The following LTBP1 variants were observed in gnomAD, a reference collection of about 807,000 sequenced individuals.
LTBP1 encodes latent transforming growth factor beta binding protein 1.
In LTBP1, 129 loss-of-function variants were observed where a neutral mutation model predicts 207.6. The observed-to-expected ratio is 0.62, with a 90% confidence interval of 0.54 to 0.72. The LOEUF (loss-of-function observed/expected upper bound fraction) is 0.72. LTBP1 is among the 30% of genes least tolerant of loss of function. LTBP1 has a pLI of 0.00. For missense variants in LTBP1, 2,281 were observed against 2,217.2 expected, an observed-to-expected ratio of 1.03 and a Z score of -0.58; for synonymous variants, 963 against 833.7, an observed-to-expected ratio of 1.16 and a Z score of -2.67.
intron 10 of LTBP1, among the ~76,000 whole-genome samples, chr2:33,249,323 T>TCACACACACACACACACACA (rs61249844): frequency 7.1e-6 from 1 of 141,316 alleles, no homozygotes; most frequent in South Asian, 2.4e-4. Flanking sequence ...GTCTGATTTT[T>TCACACACACACACACACACA]CACACACACA....
At chr2:33,280,013 C>A in intron 18 of LTBP1, 26 bp from the exon 19 acceptor site, 2 of 1,611,082 alleles carry the variant, frequency 1.2e-6, no homozygotes, top group South Asian at 2.2e-5. Flanking sequence ...ATAAAATGTT[C>A]ACGACCTAGG....
At chr2:33,198,970 A>G (rs1383856950) in intron 7 of LTBP1, among the ~76,000 whole-genome samples, 4 of 151,826 alleles carry the variant, frequency 2.6e-5, no homozygotes, top group Non-Finnish European at 4.4e-5. Context: ...TTGCTTTTCT[A>G]GTTCTTTTAA....
chr2:33,138,482 C>T (rs1335163162), intron 5 of LTBP1, among the ~76,000 whole-genome samples: 1 of 151,754 alleles, frequency 6.6e-6, no homozygotes, highest in Non-Finnish European at 1.5e-5. Flanking sequence ...TGCTGTTTGC[C>T]CCACCCCTGC....
At chr2:33,368,819 G>T in intron 31 of LTBP1, among the ~76,000 whole-genome samples, 1 of 152,210 alleles carries the variant, frequency 6.6e-6, no homozygotes, top group South Asian at 2.1e-4. Flanking sequence ...AGAGGTTGCA[G>T]TGGGCCAAGA....
intron 26 of LTBP1, among the ~76,000 whole-genome samples, chr2:33,358,426 T>C (rs1412701443): frequency 6.6e-6 from 1 of 151,582 alleles, no homozygotes. Context: ...ATGCATAAAA[T>C]TATATTTAAA....
intron 3 of LTBP1, among the ~76,000 whole-genome samples, chr2:33,059,273 A>T (rs1414085689): frequency 6.6e-6 from 1 of 152,168 alleles, no homozygotes; most frequent in Non-Finnish European, 1.5e-5. Context: ...AGTGCTTATG[A>T]TGATGATTTA....
intron 4 of LTBP1, among the ~76,000 whole-genome samples, chr2:33,125,829 CAA>C (rs34059321): frequency 1.4e-3 from 180 of 131,500 alleles, no homozygotes; most frequent in South Asian, 1.5e-3. Flanking sequence ...GACTCCGTCT[CAA>C]AAAAAAAAAA....
intron 5 of LTBP1, among the ~76,000 whole-genome samples, chr2:33,155,465 G>A (rs1425962401): frequency 6.6e-6 from 1 of 152,182 alleles, no homozygotes. Flanking sequence ...TTCTTTTCAT[G>A]TGCCTAAAAC....
At chr2:33,374,511 A>C (rs563279332) in intron 31 of LTBP1, among the ~76,000 whole-genome samples, 3 of 152,350 alleles carry the variant, frequency 2.0e-5, no homozygotes, top group South Asian at 2.1e-4. Context: ...ATACAAAAGG[A>C]AATCGAGTGG....
At chr2:33,086,564 A>G (rs1558617889) in intron 3 of LTBP1, among the ~76,000 whole-genome samples, 1 of 152,306 alleles carries the variant, frequency 6.6e-6, no homozygotes, top group East Asian at 1.9e-4. Flanking sequence ...TAAGTCCTTG[A>G]TACTAGTGTG....
rs1181463041 is a variant in LTBP1 at position 33,275,066 on chromosome 2, A to C, written c.2845A>C (p.Ser949Arg). The change falls in exon 17 of 34, where the codon AGT (serine) becomes CGT (arginine). Residue 949 changes from serine (S) to arginine (R), a missense_variant. Ser to Arg is a moderately radical substitution (Grantham distance 110, BLOSUM62 -1). Around this residue, in one of 3 missense-constraint regions of LTBP1, gnomAD observed 1,671 missense variants for 1,634.8 expected, o/e 1.02. Transcript: ENST00000404816. Reference sequence around the variant, plus strand: ...CATTTGCCCAGCAGGATTTATGGCCAGTGAGGAGGGTACTAACTGCATAGG... The same window carrying C: ...CATTTGCCCAGCAGGATTTATGGCCCGTGAGGAGGGTACTAACTGCATAGG... Reference protein sequence around the residue: ...LCICPAGFMASEEGTNCIDVD... With the variant: ...LCICPAGFMAREEGTNCIDVD... 2 of 1,614,060 alleles carry C rather than the reference A, an allele frequency of 1.2e-6. No homozygotes were observed. Among genetic ancestry groups the C allele is most frequent in the Non-Finnish European group, 1.7e-6 (2 of 1,179,936 alleles).
At chr2:33,215,003 G>A (rs1395740861) in intron 7 of LTBP1, among the ~76,000 whole-genome samples, 2 of 151,946 alleles carry the variant, frequency 1.3e-5, no homozygotes, top group East Asian at 1.9e-4. Context: ...TGGTACTTTC[G>A]AGAGGGCAAT....
intron 31 of LTBP1, among the ~76,000 whole-genome samples, chr2:33,373,475 TTA>T (rs2095096180): frequency 6.6e-6 from 1 of 152,200 alleles, no homozygotes; most frequent in African/African-American, 2.4e-5. Flanking sequence ...GAATAGGCAC[TTA>T]GTGAGGATCT....
intron 5 of LTBP1, among the ~76,000 whole-genome samples, chr2:33,174,890 A>G (rs1481501926): frequency 7.1e-6 from 1 of 141,810 alleles, no homozygotes; most frequent in Non-Finnish European, 1.5e-5. Flanking sequence ...AAACCTGAGA[A>G]AAACAAGCAA....
intron 2 of LTBP1, among the ~76,000 whole-genome samples, chr2:32,996,264 C>T (rs79917827): frequency 1.3e-3 from 191 of 152,214 alleles, no homozygotes; most frequent in African/African-American, 4.1e-3. Context: ...GCTTCCTAGA[C>T]GGCCATCTTT....
At chr2:33,179,873 T>C (rs1487818540) in intron 5 of LTBP1, among the ~76,000 whole-genome samples, 1 of 152,184 alleles carries the variant, frequency 6.6e-6, no homozygotes, top group Non-Finnish European at 1.5e-5. Context: ...CTCTGTCTAC[T>C]TTTACAGACT....
chr2:33,223,255 T>C (rs1004963052), intron 9 of LTBP1, among the ~76,000 whole-genome samples: 2 of 152,242 alleles, frequency 1.3e-5, no homozygotes, highest in African/African-American at 4.8e-5. Flanking sequence ...CTGAGAATTT[T>C]CTCAATTGTC....
At chr2:33,328,002 G>A (rs1023301719) in intron 24 of LTBP1, among the ~76,000 whole-genome samples, 1 of 151,736 alleles carries the variant, frequency 6.6e-6, no homozygotes, top group Non-Finnish European at 1.5e-5. Flanking sequence ...AGGCATGATG[G>A]CACACGCCTG....
chr2:33,257,297 A>T lies in LTBP1; in HGVS notation c.2181A>T (p.Glu727Asp). ...TCCCAAATCTAGCTGCTTTTAAGGA[A>T]ATCTGTCCTGGTGGAATGGGTTATA... ...CPLPGTAAFK[E>D]ICPGGMGYTV... Residue 727 changes from glutamate (E) to aspartate (D), a missense_variant, in exon 12 of 34, where the codon GAA (glutamate) becomes GAT (aspartate). Transcript: ENST00000404816. 6.2e-7 allele frequency: 1 copy of T among 1,612,984 alleles called. No homozygotes were observed. The highest frequency in any genetic ancestry group is 2.2e-5 in the East Asian group (1 of 44,846).
Sources: gnomAD v4.1 joint callset for allele counts (sites outside exome capture counted in the v4.1 genomes callset) on GRCh38, gnomAD v4.1.1 for gene constraint, gnomAD v4.1.1 regional missense constraint, MANE v1.5 for transcripts, NCBI Gene and HGNC (gene_info 2026-07-23, HGNC 2026-07-21) for gene names.